The following ATP13A4 variants were observed in gnomAD, a reference collection of about 807,000 sequenced individuals.
ATP13A4 encodes the protein ATPase 13A4.
Under a neutral mutation model 142.5 loss-of-function variants are expected in ATP13A4, and 114 were observed. That is an observed-to-expected ratio of 0.80 (90% CI 0.69 to 0.93). ATP13A4 has a LOEUF of 0.93. ATP13A4 is among the 40% of genes least tolerant of loss of function. ATP13A4 has a pLI of 0.00. For missense variants in ATP13A4, 1,392 were observed against 1,454.0 expected, an observed-to-expected ratio of 0.96 and a Z score of 0.69; for synonymous variants, 488 against 514.8, an observed-to-expected ratio of 0.95 and a Z score of 0.70.
intron 14 of ATP13A4, among the ~76,000 whole-genome samples, chr3:193,457,713 G>A (rs997420384): frequency 1.3e-5 from 2 of 152,234 alleles, no homozygotes; most frequent in Non-Finnish European, 2.9e-5. Context: ...CTGTTGGAAT[G>A]TGCTGTGTAA....
chr3:193,541,642 T>C (rs1722937286), intron 1 of ATP13A4, among the ~76,000 whole-genome samples: 1 of 152,154 alleles, frequency 6.6e-6, no homozygotes, highest in Non-Finnish European at 1.5e-5. Context: ...TCACTCCAAG[T>C]AACAGTATCC....
upstream of ATP13A4, among the ~76,000 whole-genome samples, chr3:193,556,642 A>G (rs1723900615): frequency 6.6e-6 from 1 of 152,014 alleles, no homozygotes; most frequent in Non-Finnish European, 1.5e-5. Flanking sequence ...GGGTAATAAA[A>G]ATGTTCTAGA....
At position 193,440,467 on chromosome 3, in the gene ATP13A4, T is replaced by A. The variant is rs543072214; in HGVS notation, c.2519+91A>T. ...GCCGAAGTACGGACCACTGCCCTTG[T>A]CAAACTGAGTGACTCCTGGTACCTC... On this transcript the variant is annotated intron_variant, in intron 21 of 29. Coordinates refer to ENST00000342695, the MANE Select transcript of ATP13A4 (RefSeq NM_032279.4). 2.5e-6 allele frequency: 4 copies of A among 1,592,608 alleles called. No individual in the cohort carries two copies. In the South Asian group the frequency reaches 3.4e-5, roughly 14 times the overall value.
At chr3:193,444,368 A>G (rs1295871693) in intron 18 of ATP13A4, among the ~76,000 whole-genome samples, 1 of 152,186 alleles carries the variant, frequency 6.6e-6, no homozygotes, top group Non-Finnish European at 1.5e-5. Context: ...AGAAATAAAG[A>G]CTTTATCAGA....
chr3:193,424,104 C>A (rs549278490), intron 25 of ATP13A4, among the ~76,000 whole-genome samples: 1 of 148,864 alleles, frequency 6.7e-6, no homozygotes, highest in Non-Finnish European at 1.5e-5. Flanking sequence ...AATAAGATGC[C>A]TAGAAATAAA....
At chr3:193,578,463 A>G (rs935381307) in intron 2 of ATP13A4, among the ~76,000 whole-genome samples, 1 of 152,114 alleles carries the variant, frequency 6.6e-6, no homozygotes, top group Non-Finnish European at 1.5e-5. Flanking sequence ...TGAAAAATAA[A>G]ATTAGGTCAT....
chr3:193,412,137 C>T, intron 27 of ATP13A4, 41 bp downstream of exon 27: 1 of 1,535,754 alleles, frequency 6.5e-7, no homozygotes, highest in East Asian at 2.2e-5. Flanking sequence ...GTTCCCCTCT[C>T]TGATGACTTC....
At chr3:193,468,708 C>T (rs1043672399) in intron 9 of ATP13A4, among the ~76,000 whole-genome samples, 1 of 152,208 alleles carries the variant, frequency 6.6e-6, no homozygotes, top group African/African-American at 2.4e-5. Context: ...GATCACACCA[C>T]TGCACAGCAG....
At chr3:193,474,333 A>AC (rs1198583717) in intron 8 of ATP13A4, among the ~76,000 whole-genome samples, 2 of 147,944 alleles carry the variant, frequency 1.4e-5, no homozygotes, top group South Asian at 2.1e-4. Flanking sequence ...AAAAAAAAAA[A>AC]AAAAAAAAAA....
At chr3:193,519,245 A>G (rs1393648378) in intron 1 of ATP13A4, among the ~76,000 whole-genome samples, 1 of 152,230 alleles carries the variant, frequency 6.6e-6, no homozygotes, top group Non-Finnish European at 1.5e-5. Flanking sequence ...TTGACACTTA[A>G]TACTAAATGA....
At chr3:193,506,632 T>C (rs1009007376) in intron 2 of ATP13A4, among the ~76,000 whole-genome samples, 1 of 152,216 alleles carries the variant, frequency 6.6e-6, no homozygotes, top group Non-Finnish European at 1.5e-5. Flanking sequence ...TCTTGAATTG[T>C]AGTTCCCATA....
chr3:193,573,308 C>CGTATATATATATATTCTTATAT (rs1229145689), intron 2 of ATP13A4, among the ~76,000 whole-genome samples: 6 of 103,672 alleles, frequency 5.8e-5, no homozygotes, highest in South Asian at 2.8e-4. Flanking sequence ...TATATATATA[C>CGTATATATATATATTCTTATAT]ATATATATAT....
chr3:193,456,855 G>T, intron 16 of ATP13A4, 145 bp downstream of exon 16: 1 of 1,012,746 alleles, frequency 9.9e-7, no homozygotes, highest in Non-Finnish European at 1.5e-6. Flanking sequence ...AGACACGCTT[G>T]GTTTTCGTAT....
At chr3:193,455,397 G>A (rs1717549601) in intron 16 of ATP13A4, among the ~76,000 whole-genome samples, 1 of 142,196 alleles carries the variant, frequency 7.0e-6, no homozygotes, top group African/African-American at 2.6e-5. Context: ...TTCAAAAGAA[G>A]ACGTACATAA....
intron 22 of ATP13A4, 85 bp from the exon 23 acceptor site, chr3:193,438,669 G>C (rs1228387254): frequency 1.7e-6 from 2 of 1,185,148 alleles, no homozygotes; most frequent in Non-Finnish European, 2.5e-6. Context: ...AGTTAAGCTG[G>C]CCACAAGGTG....
intron 1 of ATP13A4, among the ~76,000 whole-genome samples, chr3:193,591,117 G>A (rs1724756723): frequency 1.3e-5 from 2 of 152,244 alleles, no homozygotes; most frequent in Non-Finnish European, 2.9e-5. Flanking sequence ...AGGCTGGAGT[G>A]CAGTGGCACA....
At chr3:193,484,841 A>G (rs549743712) in intron 7 of ATP13A4, among the ~76,000 whole-genome samples, 1 of 152,350 alleles carries the variant, frequency 6.6e-6, no homozygotes, top group East Asian at 1.9e-4. Context: ...GTTTTAATCA[A>G]GTAACTACAT....
chr3:193,402,863 TC>T lies in ATP13A4; in HGVS notation c.3379del (p.Glu1127ArgfsTer11). 6.2e-7 allele frequency: 1 copy of T among 1,613,658 alleles called. No individual in the cohort carries two copies. The highest frequency in any genetic ancestry group is 8.5e-7 in the Non-Finnish European group (1 of 1,179,696). On this transcript the variant is annotated frameshift_variant and splice_region_variant, in exon 30 of 30. Coordinates refer to ENST00000342695, the MANE Select transcript of ATP13A4 (RefSeq NM_032279.4). LOFTEE classifies it high-confidence loss of function. ...LNFIVSLVAE[E>X]AVIENRALWM... ...CAGGGCTCGATTTTCAATAACAGCC[TC>T]CTGCAAAATAAAATAATTACTTTTT...
chr3:193,477,225 C>T (rs6763572), intron 8 of ATP13A4, among the ~76,000 whole-genome samples: 75,898 of 151,796 alleles, frequency 0.5, 19,543 homozygotes, highest in African/African-American at 0.63. Context: ...AAAGATGTGA[C>T]AAAGGAATTA....
Sources: allele counts gnomAD v4.1 joint callset (sites outside exome capture counted in the v4.1 genomes callset), GRCh38; gene constraint gnomAD v4.1.1; transcripts MANE v1.5; gene names NCBI Gene and HGNC (gene_info 2026-07-23, HGNC 2026-07-21).